The following CASK variants were observed in gnomAD, a reference collection of about 807,000 sequenced individuals.
CASK encodes peripheral plasma membrane protein CASK.
Under a neutral mutation model 82.9 loss-of-function variants are expected in CASK, and 4 were observed. The observed-to-expected ratio is 0.05, with a 90% CI of 0.02 to 0.11. CASK has a LOEUF of 0.11. CASK is among the 10% of genes least tolerant of loss of function. CASK has a pLI of 1.00. For synonymous variants in CASK, 259 were observed against 253.5 expected, an observed-to-expected ratio of 1.02 and a Z score of -0.20; for missense variants, 358 against 720.9, an observed-to-expected ratio of 0.50 and a Z score of 5.76.
At chrX:41,589,959 C>T (rs2065718691) in intron 12 of CASK, 1 of 170,018 alleles carries the variant, frequency 5.9e-6, no homozygotes, top group South Asian at 1.2e-4. Flanking sequence ...GGCCAAGGCA[C>T]GTCTACACGG....
rs752897589 is a variant in CASK at position 41,757,940 on chromosome X, G to A, written c.279-12339C>T. ...ATATATACAAATATTTGTTGGTGGCGAATTCATTTCTGAAAGAAAGGAGTC... is the reference window on the plus strand; with the variant it reads ...ATATATACAAATATTTGTTGGTGGCAAATTCATTTCTGAAAGAAAGGAGTC... On this transcript the variant is annotated intron_variant, in intron 3 of 26. Transcript: ENST00000378163. 1.1e-4 allele frequency among the ~76,000 whole-genome samples: 12 copies of A among 112,315 alleles called. No homozygotes were observed. In the East Asian group the frequency reaches 3.1e-3, roughly 29 times the overall value.
At position 41,842,141 on chromosome X, in the gene CASK, G is replaced by A. The variant is rs769996333; in HGVS notation, c.172+10974C>T. 1.2e-4 allele frequency among the ~76,000 whole-genome samples: 13 copies of A among 111,616 alleles called. No individual in the cohort carries two copies. In the South Asian group the frequency reaches 3.4e-3, roughly 29 times the overall value. On this transcript the variant is annotated intron_variant, in intron 2 of 26. Transcript: ENST00000378163. ...TTGAAGAAACTATTCTTTCTCCATT[G>A]AACTGTCTTGGCACCACAGTTGAAA...
At chrX:41,839,331 C>T (rs889510466) in intron 2 of CASK, among the ~76,000 whole-genome samples, 6 of 111,327 alleles carry the variant, frequency 5.4e-5, no homozygotes, top group Admixed American at 2.9e-4. Flanking sequence ...CATCAGAGTT[C>T]TGTAGTTTTC....
chrX:41,555,588 A>G lies in CASK; in HGVS notation c.1842+12T>C, dbSNP rs778607959. On this transcript the variant is annotated intron_variant, in intron 20 of 26. Coordinates refer to ENST00000378163, the MANE Select transcript of CASK (RefSeq NM_001367721.1). ...CAGTTTAGAGAAGTTTCTATAGAGG[A>G]TATCTATTCACCTGTCGTCCTTTTG... 15 of 1,181,342 alleles carry G rather than the reference A, an allele frequency of 1.3e-5. No homozygotes were observed. The South Asian group carries it at 2.7e-4, about 21-fold the overall frequency.
At chrX:41,769,000 CAT>C (rs1245704807) in intron 3 of CASK, among the ~76,000 whole-genome samples, 1 of 110,709 alleles carries the variant, frequency 9.0e-6, no homozygotes, top group Non-Finnish European at 1.9e-5. Flanking sequence ...AAAATGTAAA[CAT>C]AGATACATTT....
chrX:41,659,385 G>T (rs901774314), intron 8 of CASK, among the ~76,000 whole-genome samples: 2 of 109,872 alleles, frequency 1.8e-5, no homozygotes, highest in African/African-American at 6.6e-5. Context: ...CCGCCACCAC[G>T]CTAGGCTAAT....
intron 2 of CASK, among the ~76,000 whole-genome samples, chrX:41,839,092 A>C (rs1352276191): frequency 9.0e-6 from 1 of 111,219 alleles, no homozygotes; most frequent in Non-Finnish European, 1.9e-5. Context: ...GATTCCTCCC[A>C]CTTTATCATA....
chrX:41,632,772 CGCGGTGGCTTATGCCTGTAA>C (rs909246305), intron 9 of CASK, among the ~76,000 whole-genome samples: 2 of 111,104 alleles, frequency 1.8e-5, no homozygotes, highest in African/African-American at 6.5e-5. Flanking sequence ...AAAGGCTGGG[CGCGGTGGCTTATGCCTGTAA>C]TCCCAGCACT....
At chrX:41,871,843 T>A (rs1001720653) in intron 1 of CASK, among the ~76,000 whole-genome samples, 1 of 112,501 alleles carries the variant, frequency 8.9e-6, no homozygotes, top group African/African-American at 3.2e-5. Flanking sequence ...TGACCATATG[T>A]ACAAGTAAAC....
In CASK at chrX:41,846,829, C is replaced by T. The variant is rs955742002; in HGVS notation, c.172+6286G>A. Reference sequence around the variant, plus strand: ...AAGGAAGCTAGTGACAAATTCTATCCGTTTTTCTTTATCTGACAATATCTT... The same window carrying T: ...AAGGAAGCTAGTGACAAATTCTATCTGTTTTTCTTTATCTGACAATATCTT... On this transcript the variant is annotated intron_variant, in intron 2 of 26. Transcript: ENST00000378163. Among the ~76,000 whole-genome samples the T allele has an allele frequency of 2.8e-4, 31 of 111,793 alleles. 1 individual carries two copies. The highest frequency in any genetic ancestry group is 4.2e-3 in the Middle Eastern group (1 of 237).
intron 8 of CASK, 119 bp from the exon 9 acceptor site, chrX:41,636,780 T>C (rs1366957744): frequency 1.4e-5 from 7 of 493,736 alleles, no homozygotes; most frequent in Non-Finnish European, 2.1e-5. Flanking sequence ...AATTTTAGAT[T>C]GGAGATTTTA....
intron 3 of CASK, among the ~76,000 whole-genome samples, chrX:41,777,227 C>T (rs923222489): frequency 1.8e-5 from 2 of 111,531 alleles, no homozygotes; most frequent in African/African-American, 3.3e-5. Context: ...CGTGGTGGCT[C>T]ATGCCCGTAA....
chrX:41,564,301 A>G (rs761758522), intron 16 of CASK, among the ~76,000 whole-genome samples: 1 of 112,841 alleles, frequency 8.9e-6, no homozygotes, highest in South Asian at 3.6e-4. Context: ...CCCTAATAAA[A>G]GGCATGTACT....
At chrX:41,594,143 C>T (rs769695165) in intron 12 of CASK, among the ~76,000 whole-genome samples, 6 of 112,211 alleles carry the variant, frequency 5.3e-5, no homozygotes, top group Middle Eastern at 4.6e-3. Context: ...GTAAATGGCA[C>T]TGAACCTGCT....
In CASK at chrX:41,636,665, T is replaced by C; in HGVS notation, c.832-4A>G. 1 of 1,135,193 alleles carries C rather than the reference T, an allele frequency of 8.8e-7. No individual in the cohort carries two copies. Among genetic ancestry groups the C allele is most frequent in the South Asian group, 1.8e-5 (1 of 55,211 alleles). The allele number at this position is 1,135,193 out of a possible 1,213,427, so 93.6% of individuals were successfully genotyped here. ...TGTAGGCGTAACGATCCCGCTCCTATGTAAGATGAAAGATAATGAACATAT... is the reference window on the plus strand; with the variant it reads ...TGTAGGCGTAACGATCCCGCTCCTACGTAAGATGAAAGATAATGAACATAT... On this transcript the variant is annotated splice_polypyrimidine_tract_variant and splice_region_variant and intron_variant, in intron 8 of 26. Coordinates refer to ENST00000378163, the MANE Select transcript of CASK (RefSeq NM_001367721.1).
intron 2 of CASK, among the ~76,000 whole-genome samples, chrX:41,808,934 G>A (rs919742000): frequency 3.5e-5 from 4 of 112,747 alleles, no homozygotes; most frequent in Non-Finnish European, 7.5e-5. Flanking sequence ...AGCACACCAG[G>A]AGATTATATC....
At chrX:41,719,857 G>C (rs1264628564) in intron 5 of CASK, among the ~76,000 whole-genome samples, 1 of 112,889 alleles carries the variant, frequency 8.9e-6, no homozygotes, top group Non-Finnish European at 1.9e-5. Context: ...AACAGGCTAT[G>C]ACCCAATGCT....
intron 5 of CASK, among the ~76,000 whole-genome samples, chrX:41,684,694 T>G (rs1168414035): frequency 9.0e-6 from 1 of 110,825 alleles, no homozygotes; most frequent in East Asian, 2.8e-4. Context: ...GACAGTGTTT[T>G]GGCATGTTGG....
chrX:41,665,521 A>G lies in CASK; in HGVS notation c.533-69T>C, dbSNP rs1001232241. The stretch of plus-strand genomic sequence containing the variant: ...GGATTTTCACTTGAAAACTAAAAAT[A>G]ATAGAACAATAACAATCCAAATAAA... On this transcript the variant is annotated intron_variant, in intron 6 of 26. Coordinates refer to ENST00000378163, the MANE Select transcript of CASK (RefSeq NM_001367721.1). 139 of 812,293 alleles carry G rather than the reference A, an allele frequency of 1.7e-4. No homozygotes were observed. In the Admixed American group the frequency reaches 3.6e-3, roughly 21 times the overall value. 66.9% of individuals were successfully genotyped at this position (812,293 alleles called of 1,213,427 possible).
Sources: gnomAD v4.1 joint callset for allele counts (sites outside exome capture counted in the v4.1 genomes callset) on GRCh38, gnomAD v4.1.1 for gene constraint, MANE v1.5 for transcripts, NCBI Gene and HGNC (gene_info 2026-07-23, HGNC 2026-07-21) for gene names.